Variants in A4GALT observed in about 807,000 individuals in gnomAD.
A4GALT encodes the protein lactosylceramide 4-alpha-galactosyltransferase.
For missense variants in A4GALT, 512 were observed against 486.0 expected (o/e 1.05, Z -0.50); for synonymous variants, 257 against 220.7 (o/e 1.16, Z -1.46).
At position 42,692,132 on chromosome 22, in the gene A4GALT, C is replaced by T. The variant is rs1930476480; in HGVS notation, c.*758G>A. On this transcript the variant is annotated 3_prime_UTR_variant, in exon 3 of 3. Coordinates refer to ENST00000642412, the MANE Select transcript of A4GALT (RefSeq NM_017436.7). This position sits in a 1 kb window ranked among gnomAD's most constrained non-coding sequence, Gnocchi z 4.6. ...CACAAGGCCCGAAGTGACAGTCGGT[C>T]ACTTTTATTCTATTGATTATTCTCC... 6.2e-6 allele frequency: 1 copy of T among 161,316 alleles called. No individual in the cohort carries two copies. The highest frequency in any genetic ancestry group is 1.7e-4 in the South Asian group (1 of 6,012). 10.0% of individuals were successfully genotyped at this position (161,316 alleles called of 1,614,324 possible).
intron 1 of A4GALT, among the ~76,000 whole-genome samples, chr22:42,704,927 A>C (rs1920973565): frequency 6.6e-6 from 1 of 152,116 alleles, no homozygotes; most frequent in South Asian, 2.1e-4. Flanking sequence ...AAGACCCCAG[A>C]AAAGGCCACT....
intron 1 of A4GALT, among the ~76,000 whole-genome samples, chr22:42,697,658 T>C (rs887886383): frequency 1.3e-5 from 2 of 152,076 alleles, no homozygotes; most frequent in Non-Finnish European, 2.9e-5. Context: ...ATAGAAACTG[T>C]GTATGGGGCC....
In A4GALT at chr22:42,703,265, T is replaced by G. The variant is rs570258590; in HGVS notation, c.-187-7634A>C. ...TTGTTGTTTGTTTGTTTTTGTTTTT[T>G]TTTTTTTTGAGACAGAGTCTCACTC... On this transcript the variant is annotated intron_variant, in intron 1 of 2. Transcript: ENST00000642412. 3.1e-3 allele frequency among the ~76,000 whole-genome samples: 465 copies of G among 149,152 alleles called. 8 individuals are homozygous for G. Among genetic ancestry groups the G allele is most frequent in the African/African-American group, 0.011 (434 of 40,294 alleles).
intron 1 of A4GALT, among the ~76,000 whole-genome samples, chr22:42,712,869 G>C (rs1428926925): frequency 1.3e-5 from 2 of 152,202 alleles, no homozygotes; most frequent in African/African-American, 2.4e-5. Context: ...CTGCACTCCA[G>C]CCTGGGCGAC....
intron 1 of A4GALT, among the ~76,000 whole-genome samples, chr22:42,706,777 G>T (rs538585662): frequency 8.4e-4 from 124 of 147,692 alleles, no homozygotes; most frequent in African/African-American, 3.1e-3. Flanking sequence ...CCTGGGTGAT[G>T]GAGTGAGACT....
intron 1 of A4GALT, among the ~76,000 whole-genome samples, chr22:42,720,208 G>T (rs564791677): frequency 6.6e-6 from 1 of 152,246 alleles, no homozygotes; most frequent in South Asian, 2.1e-4. Flanking sequence ...CCCGTGCCCA[G>T]CTCGTACCCA....
In A4GALT at chr22:42,692,848, G is replaced by GCC; in HGVS notation, c.*40_*41dup. 1 of 1,593,462 alleles carries GCC rather than the reference G, an allele frequency of 6.3e-7. No individual in the cohort carries two copies. Among genetic ancestry groups the GCC allele is most frequent in the African/African-American group, 1.3e-5 (1 of 74,938 alleles). On this transcript the variant is annotated 3_prime_UTR_variant, in exon 3 of 3. Coordinates refer to ENST00000642412, the MANE Select transcript of A4GALT (RefSeq NM_017436.7). The surrounding 1 kb of genome is among the most constrained non-coding windows in gnomAD (Gnocchi z 4.6). The stretch of plus-strand genomic sequence containing the variant: ...GCCTCCCCGGGAAGGGCGGCCCAGT[G>GCC]CCCCATCAGGAGCAGGTTGGGGAGG...
rs1163088658 is a variant in A4GALT, at chr22:42,714,274, C to CAAAAAAAAAAAAAAAAAAA, written c.-188+6504_-188+6522dup. 1.2e-4 allele frequency among the ~76,000 whole-genome samples: 2 copies of CAAAAAAAAAAAAAAAAAAA among 16,152 alleles called. 1 individual carries two copies. Among genetic ancestry groups the CAAAAAAAAAAAAAAAAAAA allele is most frequent in the Non-Finnish European group, 2.5e-4 (2 of 7,894 alleles). The allele number at this position is 16,152 out of a possible 152,430, so 10.6% of individuals were successfully genotyped here. On this transcript the variant is annotated intron_variant, in intron 1 of 2. Transcript: ENST00000642412. ...TGGGCAACAGAGCAAGACTCTGTCTCAAAAAAAAAAAAAAAAAAAAAAAAA... is the reference window on the plus strand; with the variant it reads ...TGGGCAACAGAGCAAGACTCTGTCTCAAAAAAAAAAAAAAAAAAAAAAAAAAAAAAAAAAAAAAAAAAAA...
intron 1 of A4GALT, among the ~76,000 whole-genome samples, chr22:42,698,092 T>C (rs1931059833): frequency 1.3e-5 from 2 of 151,770 alleles, no homozygotes; most frequent in African/African-American, 2.4e-5. Flanking sequence ...CTACTGAAAA[T>C]ACAAAAATTA....
At chr22:42,707,786 AAAAT>A (rs1322247263) in intron 1 of A4GALT, among the ~76,000 whole-genome samples, 4 of 152,114 alleles carry the variant, frequency 2.6e-5, no homozygotes, top group Non-Finnish European at 4.4e-5. Context: ...AGAAAGGATA[AAAAT>A]AAATAAAGCA....
intron 1 of A4GALT, among the ~76,000 whole-genome samples, chr22:42,717,032 G>A (rs1273683085): frequency 6.6e-6 from 1 of 152,208 alleles, no homozygotes; most frequent in African/African-American, 2.4e-5. Context: ...GTGGGTGACA[G>A]TGCGGGCACA....
intron 1 of A4GALT, among the ~76,000 whole-genome samples, chr22:42,713,029 CCTGT>C (rs1194313981): frequency 9.8e-5 from 15 of 152,292 alleles, no homozygotes; most frequent in Middle Eastern, 3.4e-3. Context: ...TGAGAAGGGG[CCTGT>C]CTATCTTCTA....
At chr22:42,700,532 T>A (rs903367904) in intron 1 of A4GALT, among the ~76,000 whole-genome samples, 1 of 152,182 alleles carries the variant, frequency 6.6e-6, no homozygotes, top group African/African-American at 2.4e-5. Flanking sequence ...TCCAAGCCTC[T>A]CCAGATAAGG....
intron 1 of A4GALT, among the ~76,000 whole-genome samples, chr22:42,712,772 G>A (rs1048346236): frequency 2.0e-5 from 3 of 152,204 alleles, no homozygotes; most frequent in Admixed American, 6.5e-5. Context: ...GGCTGGGCGT[G>A]GTGGCGGAAG....
Position 42,692,291 on chromosome 22 carries a change from A to G in A4GALT, c.*599T>C. Reference sequence around the variant, plus strand: ...CGCCCCCCTGGCATCTCTGGAGAGGAAGAAGGATGGGGTGGGCAGAAGGGG... The same window carrying G: ...CGCCCCCCTGGCATCTCTGGAGAGGGAGAAGGATGGGGTGGGCAGAAGGGG... On this transcript the variant is annotated 3_prime_UTR_variant, in exon 3 of 3. Transcript: ENST00000642412. This position sits in a 1 kb window ranked among gnomAD's most constrained non-coding sequence, Gnocchi z 4.6. 1 of 244,508 alleles carries G rather than the reference A, an allele frequency of 4.1e-6. No individual in the cohort carries two copies. Among genetic ancestry groups the G allele is most frequent in the Non-Finnish European group, 8.1e-6 (1 of 123,030 alleles). The allele number at this position is 244,508 out of a possible 1,614,324, so 15.1% of individuals were successfully genotyped here. A position where few individuals can be genotyped will look rare whatever the true frequency, so the allele number is the denominator to read the frequency against.
chr22:42,708,008 C>G (rs55878035), intron 1 of A4GALT, among the ~76,000 whole-genome samples: 31,996 of 150,770 alleles, frequency 0.21, 4,243 homozygotes, highest in South Asian at 0.38. Context: ...AATCCCAGCA[C>G]TTTGGGAGGC....
chr22:42,704,831 G>A (rs925852133), intron 1 of A4GALT, among the ~76,000 whole-genome samples: 1 of 146,768 alleles, frequency 6.8e-6, no homozygotes, highest in African/African-American at 2.5e-5. Context: ...CCACAGTTGA[G>A]TGTGGCCCAA....
intron 1 of A4GALT, among the ~76,000 whole-genome samples, chr22:42,717,102 C>A (rs573415538): frequency 6.6e-6 from 1 of 152,224 alleles, no homozygotes; most frequent in African/African-American, 2.4e-5. Context: ...GGGAAGGGGG[C>A]TCCCCTAGTC....
At chr22:42,708,619 C>T (rs1022246781) in intron 1 of A4GALT, among the ~76,000 whole-genome samples, 6 of 138,726 alleles carry the variant, frequency 4.3e-5, no homozygotes, top group African/African-American at 1.6e-4. Context: ...AAGAAATAAG[C>T]GGTAGAACTA....
Sources: gnomAD v4.1 joint callset for allele counts (sites outside exome capture counted in the v4.1 genomes callset) on GRCh38, gnomAD v4.1.1 for gene constraint, Gnocchi (gnomAD v3.1) non-coding constraint, MANE v1.5 for transcripts, NCBI Gene and HGNC (gene_info 2026-07-23, HGNC 2026-07-21) for gene names.